Variants in KCNQ3 observed in about 807,000 individuals in gnomAD.
The protein encoded by KCNQ3 is potassium voltage-gated channel subfamily KQT member 3.
A neutral mutation model predicts 92.5 loss-of-function variants in KCNQ3; 30 were observed. The ratio of observed to expected loss-of-function variants is 0.32; its 90% CI spans 0.24 to 0.44. KCNQ3 has a LOEUF of 0.44. Among genes scored for constraint, KCNQ3 ranks in the 20% least tolerant of loss-of-function variants. The pLI, the probability that KCNQ3 is intolerant of heterozygous loss-of-function variation, is 1.00. For missense variants in KCNQ3, 913 were observed against 1,140.3 expected, an observed-to-expected ratio of 0.80 and a Z score of 2.87; for synonymous variants, 450 against 468.8, an observed-to-expected ratio of 0.96 and a Z score of 0.52.
chr8:132,202,946 A>G (rs1563802744), intron 1 of KCNQ3, among the ~76,000 whole-genome samples: 1 of 149,930 alleles, frequency 6.7e-6, no homozygotes, highest in African/African-American at 2.5e-5. Flanking sequence ...GTTTTGTCAT[A>G]ATAGAATACC....
chr8:132,144,588 G>A (rs189307854), intron 9 of KCNQ3, among the ~76,000 whole-genome samples: 1 of 152,310 alleles, frequency 6.6e-6, no homozygotes, highest in African/African-American at 2.4e-5. Context: ...CTGCAAATAG[G>A]TGGACTGGGC....
chr8:132,212,311 C>A (rs1030158526), intron 1 of KCNQ3, among the ~76,000 whole-genome samples: 1 of 152,124 alleles, frequency 6.6e-6, no homozygotes, highest in Admixed American at 6.5e-5. Context: ...TCTACAAATC[C>A]TTCCCTTAAA....
At chr8:132,415,475 C>CT (rs1248710600) in intron 1 of KCNQ3, among the ~76,000 whole-genome samples, 1 of 152,212 alleles carries the variant, frequency 6.6e-6, no homozygotes, top group Admixed American at 6.5e-5. Context: ...CTCTGGATTT[C>CT]CAGGGCCCAG....
At chr8:132,409,369 A>C (rs1820587942) in intron 1 of KCNQ3, among the ~76,000 whole-genome samples, 2 of 152,144 alleles carry the variant, frequency 1.3e-5, no homozygotes, top group African/African-American at 2.4e-5. Flanking sequence ...ACCTTGGACC[A>C]AAATGTCACT....
At chr8:132,322,986 A>G (rs900144541) in intron 1 of KCNQ3, among the ~76,000 whole-genome samples, 3 of 152,192 alleles carry the variant, frequency 2.0e-5, no homozygotes, top group Non-Finnish European at 4.4e-5. Context: ...CCTTTGTTTC[A>G]GAGAGCAGTG....
rs563173825 is a variant in KCNQ3 at position 132,185,751 on chromosome 8, G to T, written c.477+340C>A. On this transcript the variant is annotated intron_variant, in intron 2 of 14. Coordinates refer to ENST00000388996, the MANE Select transcript of KCNQ3 (RefSeq NM_004519.4). ...TAGGATACCAGGAAGAAAAAGCAGA[G>T]ACAGGTTTTAGAATGAAACATGCCT... Among the ~76,000 whole-genome samples, 5 of 152,368 alleles carry T rather than the reference G, an allele frequency of 3.3e-5. No individual in the cohort carries two copies. In the East Asian group the frequency reaches 9.6e-4, roughly 29 times the overall value.
chr8:132,152,334 A>C (rs1011837975), intron 9 of KCNQ3, among the ~76,000 whole-genome samples: 1 of 152,182 alleles, frequency 6.6e-6, no homozygotes, highest in African/African-American at 2.4e-5. Flanking sequence ...TTCAGAGTCA[A>C]GGAAACTTAT....
intron 1 of KCNQ3, among the ~76,000 whole-genome samples, chr8:132,226,911 C>A (rs1010376816): frequency 1.3e-5 from 2 of 152,030 alleles, no homozygotes; most frequent in Non-Finnish European, 2.9e-5. Flanking sequence ...TTGAATCATC[C>A]CAGCATTTTT....
At chr8:132,388,051 G>A (rs1819942461) in intron 1 of KCNQ3, among the ~76,000 whole-genome samples, 1 of 151,308 alleles carries the variant, frequency 6.6e-6, no homozygotes, top group South Asian at 2.1e-4. Context: ...GGAAGAAGAA[G>A]AAGAAGAGAA....
intron 1 of KCNQ3, among the ~76,000 whole-genome samples, chr8:132,356,423 C>A (rs1027036596): frequency 3.9e-5 from 6 of 152,218 alleles, no homozygotes; most frequent in African/African-American, 1.4e-4. Flanking sequence ...ATTCAAGTAT[C>A]TTCCTACTTT....
intron 1 of KCNQ3, among the ~76,000 whole-genome samples, chr8:132,347,614 A>T (rs953650553): frequency 9.2e-5 from 14 of 152,204 alleles, no homozygotes; most frequent in African/African-American, 3.4e-4. Context: ...TTCATCAAAG[A>T]AGATCTTGTT....
Position 132,131,936 on chromosome 8 carries a change from A to G in KCNQ3, c.1884+244T>C, listed in dbSNP as rs556470294. Among the ~76,000 whole-genome samples the G allele has an allele frequency of 5.3e-3, 810 of 152,118 alleles. 15 individuals are homozygous for G. Among genetic ancestry groups the G allele is most frequent in the African/African-American group, 0.019 (774 of 41,484 alleles). On this transcript the variant is annotated intron_variant, in intron 14 of 14. Transcript: ENST00000388996. ...AACCCCATCTCTACTAAAAATACAA[A>G]AATTAGCTGGGCATGATGGCAGGCG...
At chr8:132,438,983 C>T (rs138817866) in intron 1 of KCNQ3, among the ~76,000 whole-genome samples, 9 of 149,046 alleles carry the variant, frequency 6.0e-5, no homozygotes, top group Non-Finnish European at 1.0e-4. Context: ...CGCAGTGTGA[C>T]GGAGGCCAAA....
intron 1 of KCNQ3, among the ~76,000 whole-genome samples, chr8:132,266,610 C>T (rs2130486274): frequency 6.6e-6 from 1 of 152,276 alleles, no homozygotes; most frequent in African/African-American, 2.4e-5. Flanking sequence ...CACACCTCCC[C>T]ACTCTTTCCC....
chr8:132,137,076 G>T (rs1360427281), intron 12 of KCNQ3, among the ~76,000 whole-genome samples: 1 of 148,062 alleles, frequency 6.8e-6, no homozygotes, highest in Admixed American at 6.8e-5. Flanking sequence ...TCACCATGTT[G>T]GTCAGGCTGG....
At chr8:132,231,565 T>G (rs1814649142) in intron 1 of KCNQ3, among the ~76,000 whole-genome samples, 1 of 152,192 alleles carries the variant, frequency 6.6e-6, no homozygotes, top group African/African-American at 2.4e-5. Context: ...GAGATTGCTT[T>G]TTCTCTACAC....
chr8:132,184,409 T>A, intron 2 of KCNQ3, 42 bp from the exon 3 acceptor site: 1 of 1,603,604 alleles, frequency 6.2e-7, no homozygotes, highest in African/African-American at 1.3e-5. Context: ...TTAACCGAGA[T>A]CCACTTGTCG....
At chr8:132,207,518 C>G (rs1290801910) in intron 1 of KCNQ3, among the ~76,000 whole-genome samples, 2 of 152,192 alleles carry the variant, frequency 1.3e-5, no homozygotes, top group Non-Finnish European at 2.9e-5. Flanking sequence ...TTTACCTTCT[C>G]CACCTCCACA....
At chr8:132,351,402 G>T (rs1377295034) in intron 1 of KCNQ3, among the ~76,000 whole-genome samples, 1 of 152,122 alleles carries the variant, frequency 6.6e-6, no homozygotes, top group East Asian at 1.9e-4. Flanking sequence ...AATCCAAATG[G>T]AAAGCAATCT....
Sources: gnomAD v4.1 joint callset for allele counts (sites outside exome capture counted in the v4.1 genomes callset) on GRCh38, gnomAD v4.1.1 for gene constraint, MANE v1.5 for transcripts, NCBI Gene and HGNC (gene_info 2026-07-23, HGNC 2026-07-21) for gene names.